The following PRH2 variants were observed in gnomAD, a reference collection of about 807,000 sequenced individuals.
PRH2 encodes the protein salivary acidic proline-rich phosphoprotein 1/2.
In PRH2, 19 loss-of-function variants were observed where a neutral mutation model predicts 22.6. The ratio of observed to expected loss-of-function variants is 0.84; its 90% confidence interval spans 0.59 to 1.23. PRH2 has a LOEUF of 1.23. Among genes scored for constraint, PRH2 ranks in the 50% most tolerant of loss-of-function variants. The pLI, the probability that PRH2 is intolerant of heterozygous loss-of-function variation, is 0.00. For synonymous variants in PRH2, 45 were observed against 72.0 expected (o/e 0.63, Z 1.90); for missense variants, 109 against 203.0 (o/e 0.54, Z 2.81).
chr12:10,931,643 C>T (rs546758390), intron 3 of PRH2, among the ~76,000 whole-genome samples: 16 of 152,270 alleles, frequency 1.1e-4, no homozygotes, highest in African/African-American at 3.9e-4. Flanking sequence ...ACCAAAACTC[C>T]CACTTTTTAC....
chr12:10,934,202 C>A lies in PRH2; in HGVS notation c.*1995C>A, dbSNP rs902995745. On this transcript the variant is annotated 3_prime_UTR_variant, in exon 4 of 4. Transcript: ENST00000396400. The stretch of plus-strand genomic sequence containing the variant: ...TTATTTCCACTTCTGATTTTAAGAA[C>A]AGCTTCTTTCCCAGGGATGGGTTCC... 1.3e-5 allele frequency among the ~76,000 whole-genome samples: 2 copies of A among 152,106 alleles called. No individual in the cohort carries two copies. Among genetic ancestry groups the A allele is most frequent in the East Asian group, 3.9e-4 (2 of 5,192 alleles).
chr12:10,930,222 A>G (rs765494866), intron 1 of PRH2, 47 bp from the exon 2 acceptor site: 1 of 1,593,818 alleles, frequency 6.3e-7, no homozygotes, highest in South Asian at 1.1e-5. Context: ...TGAGCTCTGA[A>G]TGATTCATGC....
At chr12:10,930,341 AT>A in intron 2 of PRH2, 37 bp downstream of exon 2, 1 of 1,597,824 alleles carries the variant, frequency 6.3e-7, no homozygotes, top group Non-Finnish European at 8.6e-7. Context: ...CTCTGTCTCC[AT>A]TTTTCCCTGA....
rs1051427183 is a variant in PRH2 at position 10,932,856 on chromosome 12, C to T, written c.*649C>T. The stretch of plus-strand genomic sequence containing the variant: ...GATGTGACTTGATTTACACAATAGT[C>T]AGAAAACATTTTAGAAATTGATGAC... On this transcript the variant is annotated 3_prime_UTR_variant, in exon 4 of 4. Coordinates refer to ENST00000396400, the MANE Select transcript of PRH2 (RefSeq NM_001110213.1). Among the ~76,000 whole-genome samples the T allele has an allele frequency of 2.0e-5, 3 of 151,664 alleles. No homozygotes were observed. Among genetic ancestry groups the T allele is most frequent in the Non-Finnish European group, 4.4e-5 (3 of 67,918 alleles).
chr12:10,929,931 A>G (rs1480569462), intron 1 of PRH2, among the ~76,000 whole-genome samples: 1 of 152,202 alleles, frequency 6.6e-6, no homozygotes, highest in Non-Finnish European at 1.5e-5. Context: ...TTGCAAACAT[A>G]AACAACATAT....
rs1950223986 is a variant in PRH2 at position 10,932,228 on chromosome 12, A to G, written c.*21A>G. On this transcript the variant is annotated splice_region_variant and 3_prime_UTR_variant, in exon 4 of 4. Coordinates refer to ENST00000396400, the MANE Select transcript of PRH2 (RefSeq NM_001110213.1). Reference sequence around the variant, plus strand: ...ATAATCTTCCTTGTCTTTTTCAGGAAGTGAATAAGAAGATGACAGTGTTTC... The same window carrying G: ...ATAATCTTCCTTGTCTTTTTCAGGAGGTGAATAAGAAGATGACAGTGTTTC... 1 of 436,428 alleles carries G rather than the reference A, an allele frequency of 2.3e-6. No homozygotes were observed. The highest frequency in any genetic ancestry group is 2.0e-5 in the African/African-American group (1 of 49,910). The allele number at this position is 436,428 out of a possible 1,614,324, so 27.0% of individuals were successfully genotyped here. A position where few individuals can be genotyped will look rare whatever the true frequency, so the allele number is the denominator to read the frequency against.
intron 3 of PRH2, 153 bp downstream of exon 3, chr12:10,931,233 C>G (rs1325157481): frequency 1.0e-5 from 15 of 1,462,278 alleles, no homozygotes; most frequent in African/African-American, 1.4e-5. Flanking sequence ...GATAAGGTAG[C>G]AAGATCTTGT....
At chr12:10,930,421 A>G (rs1329813317) in intron 2 of PRH2, 117 bp downstream of exon 2, 1 of 1,471,996 alleles carries the variant, frequency 6.8e-7, no homozygotes, top group Non-Finnish European at 9.3e-7. Context: ...AGTGCCCCAG[A>G]GATATAAACA....
intron 3 of PRH2, among the ~76,000 whole-genome samples, chr12:10,932,019 G>A (rs1423517516): frequency 3.9e-5 from 6 of 152,040 alleles, no homozygotes; most frequent in Admixed American, 6.5e-5. Context: ...ATCGTTTTTC[G>A]TCCTCATCTA....
chr12:10,929,404 G>T, intron 1 of PRH2, 67 bp downstream of exon 1: 1 of 1,588,250 alleles, frequency 6.3e-7, no homozygotes, highest in South Asian at 1.1e-5. Context: ...TATAGAGGGG[G>T]AAAGTGGAGG....
At chr12:10,930,137 C>CAG (rs761939341) in intron 1 of PRH2, 132 bp from the exon 2 acceptor site, 2 of 1,074,406 alleles carry the variant, frequency 1.9e-6, no homozygotes, top group Non-Finnish European at 1.4e-6. Context: ...CCGGTAGCAT[C>CAG]AGAGAGTGGC....
chr12:10,930,204 G>GAAC, intron 1 of PRH2, 65 bp from the exon 2 acceptor site: 2 of 1,560,944 alleles, frequency 1.3e-6, no homozygotes, highest in Non-Finnish European at 1.8e-6. Context: ...TATCCTCGTA[G>GAAC]AACACTATGA....
At chr12:10,931,178 G>C in intron 3 of PRH2, 98 bp downstream of exon 3, 5 of 1,557,170 alleles carry the variant, frequency 3.2e-6, no homozygotes, top group African/African-American at 1.4e-5. Context: ...TAATATTTCC[G>C]TGTCCTGGAA....
intron 1 of PRH2, 99 bp downstream of exon 1, chr12:10,929,436 C>T: frequency 1.4e-6 from 2 of 1,450,780 alleles, no homozygotes; most frequent in Non-Finnish European, 1.9e-6. Flanking sequence ...GATGAGAAAA[C>T]AGATAGGACT....
intron 1 of PRH2, 41 bp from the exon 2 acceptor site, chr12:10,930,228 C>A: frequency 1.2e-6 from 2 of 1,600,732 alleles, no homozygotes; most frequent in Non-Finnish European, 1.7e-6. Flanking sequence ...CTGAATGATT[C>A]ATGCAGTAAC....
Position 10,931,055 on chromosome 12 carries a change from C to G in PRH2, c.494C>G (p.Pro165Arg). Reference sequence around the variant, plus strand: ...CAAGGACCTCCACAGGGGCAGTCTCCTCAGTAATCTAGGATTCAATGATAG... The same window carrying G: ...CAAGGACCTCCACAGGGGCAGTCTCGTCAGTAATCTAGGATTCAATGATAG... The part of the protein sequence containing the change: ...RPQGPPQGQS[P>R]Q Residue 165 changes from proline (P) to arginine (R), a missense_variant, in exon 3 of 4, where the codon CCT (proline) becomes CGT (arginine). Physicochemically the swap from Pro to Arg is moderately radical, Grantham distance 103 (BLOSUM62 -2). Coordinates refer to ENST00000396400, the MANE Select transcript of PRH2 (RefSeq NM_001110213.1). 1 of 1,580,946 alleles carries G rather than the reference C, an allele frequency of 6.3e-7. No individual in the cohort carries two copies. Among genetic ancestry groups the G allele is most frequent in the Non-Finnish European group, 8.6e-7 (1 of 1,167,896 alleles).
intron 3 of PRH2, chr12:10,931,288 A>T (rs1395475678): frequency 2.8e-6 from 3 of 1,059,080 alleles, no homozygotes; most frequent in Non-Finnish European, 2.7e-6. Flanking sequence ...GAGAATCACT[A>T]TCTTCAAATT....
Position 10,932,345 on chromosome 12 carries a change from G to C in PRH2, c.*138G>C. 3.1e-6 allele frequency: 1 copy of C among 318,572 alleles called. No homozygotes were observed. Among genetic ancestry groups the C allele is most frequent in the Non-Finnish European group, 7.1e-6 (1 of 140,700 alleles). 19.7% of individuals were successfully genotyped at this position (318,572 alleles called of 1,614,324 possible). On this transcript the variant is annotated 3_prime_UTR_variant, in exon 4 of 4. Transcript: ENST00000396400. ...ATTTCTGATTATAGCATCTCCTTCT[G>C]AGTGTTTGGGACTCTGGAATCTGAG...
At position 10,930,984 on chromosome 12, in the gene PRH2, T is replaced by C. The variant is rs370733945; in HGVS notation, c.423T>C (p.Pro141=). The C allele has an allele frequency of 9.5e-5, 152 of 1,595,472 alleles. 1 individual carries two copies. The African/African-American group carries it at 1.6e-3, about 16-fold the overall frequency. ...QGGHQQGPPP[P]PPGKPQGPPP... is the part of the protein sequence containing the mutation. ...GCCATCAGCAAGGTCCTCCCCCACCTCCTCCTGGAAAGCCCCAGGGACCAC... is the reference window on the plus strand; with the variant it reads ...GCCATCAGCAAGGTCCTCCCCCACCCCCTCCTGGAAAGCCCCAGGGACCAC... The change falls in exon 3 of 4, where the codon CCT becomes CCC. Residue 141 remains proline (P), a synonymous_variant. Transcript: ENST00000396400.
Sources: gnomAD v4.1 joint callset for allele counts (sites outside exome capture counted in the v4.1 genomes callset) on GRCh38, gnomAD v4.1.1 for gene constraint, MANE v1.5 for transcripts, NCBI Gene and HGNC (gene_info 2026-07-23, HGNC 2026-07-21) for gene names.